IP6K3: variants seen among roughly 807,000 people sequenced by gnomAD.
IP6K3 encodes ATP:1D-myo-inositol-hexakisphosphate phosphotransferase.
Under a neutral mutation model 28.8 loss-of-function variants are expected in IP6K3, and 20 were observed. That is an observed-to-expected ratio of 0.70 (90% CI 0.49 to 1.01). IP6K3 has a LOEUF of 1.01. Ranked by LOEUF, IP6K3 falls within the 50% of genes least tolerant of loss-of-function variation. The probability of loss-of-function intolerance (pLI) is 0.00; values close to 1 mark genes in which losing one functional copy is unlikely to be tolerated. For missense variants in IP6K3, 480 were observed against 537.1 expected, an observed-to-expected ratio of 0.89 and a Z score of 1.05; for synonymous variants, 213 against 221.3, an observed-to-expected ratio of 0.96 and a Z score of 0.33.
At chr6:33,741,975 CA>C (rs10562436) in intron 1 of IP6K3, among the ~76,000 whole-genome samples, 63,285 of 146,912 alleles carry the variant, frequency 0.43, 14,989 homozygotes, top group East Asian at 0.83. Context: ...CAAAAACAAG[CA>C]AAAAAAAAAA....
chr6:33,727,582 G>A (rs1766164802), intron 3 of IP6K3, among the ~76,000 whole-genome samples: 1 of 152,168 alleles, frequency 6.6e-6, no homozygotes, highest in South Asian at 2.1e-4. Context: ...AGCTGACATT[G>A]TCAAAGGTTT....
chr6:33,743,152 C>T (rs1315255361), intron 1 of IP6K3, among the ~76,000 whole-genome samples: 1 of 152,176 alleles, frequency 6.6e-6, no homozygotes, highest in Non-Finnish European at 1.5e-5. Flanking sequence ...CAGCTCAGTG[C>T]AGGGAGGTGG....
At chr6:33,739,551 A>G (rs1582222120) in intron 1 of IP6K3, among the ~76,000 whole-genome samples, 1 of 152,302 alleles carries the variant, frequency 6.6e-6, no homozygotes, top group East Asian at 1.9e-4. Context: ...TCAAATTCCC[A>G]AGGAAGAGTA....
intron 2 of IP6K3, among the ~76,000 whole-genome samples, chr6:33,728,560 G>T (rs1307398834): frequency 2.0e-5 from 3 of 152,188 alleles, no homozygotes; most frequent in Non-Finnish European, 4.4e-5. Context: ...GCACTTCCCT[G>T]CCTCTTTGCG....
rs769320476 is a variant in IP6K3, at chr6:33,726,771, C to G, written c.549G>C (p.Leu183=). Residue 183 remains leucine (L), a synonymous_variant, in exon 4 of 6, where the codon CTG becomes CTC. Coordinates refer to ENST00000293756, the MANE Select transcript of IP6K3 (RefSeq NM_054111.5). The part of the protein sequence containing the change: ...PWGLQCHQAH[L]TRLCSEYPEN... ...CTGGGTACTCGGAGCACAGGCGGGT[C>G]AGGTGGGCCTGGTGGCATTGCAGGC... 1.2e-6 allele frequency: 2 copies of G among 1,605,770 alleles called. No individual in the cohort carries two copies. The highest frequency in any genetic ancestry group is 8.5e-7 in the Non-Finnish European group (1 of 1,174,016).
At chr6:33,739,276 A>AG (rs1476420592) in intron 1 of IP6K3, 1 of 152,094 alleles carries the variant, frequency 6.6e-6, no homozygotes, top group Admixed American at 6.6e-5. Flanking sequence ...GAAAAAAAAA[A>AG]GAAAACCTGG....
rs763635000 is a variant in IP6K3 at position 33,725,528 on chromosome 6, A to G, written c.678T>C (p.Asp226=). The G allele has an allele frequency of 1.9e-6, 3 of 1,614,038 alleles. No individual in the cohort carries two copies. The highest frequency in any genetic ancestry group is 3.3e-5 in the Admixed American group (2 of 60,012). ...LKMGTRQHGD[D]ASEEKKARHM... ...GGCGGGCCTTCTTCTCCTCCGATGC[A>G]TCATCGCCGTGCTGCCGGGTCCCCA... is the stretch of plus-strand genomic sequence containing the variant. Residue 226 remains aspartate (D), a synonymous_variant, in exon 5 of 6, where the codon GAT becomes GAC. Coordinates refer to ENST00000293756, the MANE Select transcript of IP6K3 (RefSeq NM_054111.5).
Position 33,723,027 on chromosome 6 carries a change from A to C in IP6K3, c.926T>G (p.Leu309Arg). The C allele has an allele frequency of 6.2e-7, 1 of 1,614,106 alleles. No homozygotes were observed. The highest frequency in any genetic ancestry group is 8.5e-7 in the Non-Finnish European group (1 of 1,180,014). Reference sequence around the variant, plus strand: ...ACTCTGGCTCCTAATGACAGAGAGGAGGGCCCGGAGCTGGTGCAGGATGGG... The same window carrying C: ...ACTCTGGCTCCTAATGACAGAGAGGCGGGCCCGGAGCTGGTGCAGGATGGG... ...LEPILHQLRA[L>R]LSVIRSQSSY... The change falls in exon 6 of 6, where the codon CTC (leucine) becomes CGC (arginine). Residue 309 changes from leucine (L) to arginine (R), a missense_variant. Physicochemically the swap from Leu to Arg is moderately radical, Grantham distance 102. Transcript: ENST00000293756.
the IP6K3 span, among the ~76,000 whole-genome samples, chr6:33,758,475 A>G: frequency 2.0e-5 from 3 of 152,186 alleles, no homozygotes; most frequent in Non-Finnish European, 4.4e-5. Context: ...GTAGTGAGCC[A>G]TGATGGCACC....
intron 1 of IP6K3, among the ~76,000 whole-genome samples, chr6:33,739,915 T>A (rs568630733): frequency 9.2e-5 from 14 of 152,368 alleles, no homozygotes; most frequent in Non-Finnish European, 1.8e-4. Flanking sequence ...CTTGTCATGA[T>A]GCTCGGAAGA....
At chr6:33,748,432 T>C (rs1267295990), upstream of IP6K3, among the ~76,000 whole-genome samples, 2 of 151,524 alleles carry the variant, frequency 1.3e-5, no homozygotes, top group African/African-American at 4.9e-5. Flanking sequence ...ACTTCAACGC[T>C]CAGCACAGCA....
In IP6K3 at chr6:33,726,886, C is replaced by T; in HGVS notation, c.434G>A (p.Arg145Lys). 5 of 1,607,206 alleles carry T rather than the reference C, an allele frequency of 3.1e-6. No individual in the cohort carries two copies. The highest frequency in any genetic ancestry group is 4.3e-6 in the Non-Finnish European group (5 of 1,174,658). ...TGGAGTGTTGAGGTGGGGCTCGGAC[C>T]TCAGAAGAGCCTTGGCCGGGCTGCG... ...PKESPAKALL[R>K]SEPHLNTPAF... Residue 145 changes from arginine to lysine, a missense_variant, in exon 4 of 6, where the codon AGG becomes AAG. Arg to Lys is a conservative substitution (Grantham distance 26). Transcript: ENST00000293756.
chr6:33,729,486 G>GT (rs774027627), intron 2 of IP6K3, among the ~76,000 whole-genome samples: 119 of 152,270 alleles, frequency 7.8e-4, no homozygotes, highest in Non-Finnish European at 1.3e-3. Flanking sequence ...TTTGCCCAGT[G>GT]GGGGGCACTG....
upstream of IP6K3, among the ~76,000 whole-genome samples, chr6:33,747,669 G>A (rs886551568): frequency 1.6e-5 from 2 of 121,706 alleles, no homozygotes; most frequent in African/African-American, 3.7e-5. This position sits in a 1 kb window ranked among gnomAD's most constrained non-coding sequence, Gnocchi z 5.2. Context: ...GAGGCCCAGA[G>A]GCAGGTGGGA....
At chr6:33,759,213 A>C in the IP6K3 span, among the ~76,000 whole-genome samples, 114,092 of 152,202 alleles carry the variant, frequency 0.75, 43,861 homozygotes, top group East Asian at 0.96. Flanking sequence ...GGGGCTGGGG[A>C]AGGGACAGAT....
At chr6:33,751,113 G>A (rs376277660), upstream of IP6K3, among the ~76,000 whole-genome samples, 26 of 152,224 alleles carry the variant, frequency 1.7e-4, no homozygotes, top group African/African-American at 5.8e-4. This position sits in a 1 kb window ranked among gnomAD's most constrained non-coding sequence, Gnocchi z 4.3. Flanking sequence ...AGAGGTCACT[G>A]TCCAGCCCTT....
chr6:33,756,994 C>T, the IP6K3 span, among the ~76,000 whole-genome samples: 1 of 152,252 alleles, frequency 6.6e-6, no homozygotes, highest in African/African-American at 2.4e-5. Context: ...CTTATCTGTC[C>T]TGGTCTTCAC....
At position 33,722,707 on chromosome 6, in the gene IP6K3, A is replaced by C. The variant is rs758187307; in HGVS notation, c.*13T>G. On this transcript the variant is annotated 3_prime_UTR_variant, in exon 6 of 6. Coordinates refer to ENST00000293756, the MANE Select transcript of IP6K3 (RefSeq NM_054111.5). ...TCTATAGCCCAGAAGAATCCAGATA[A>C]GCCCAGGAAGTTTCATTCTCCCTCT... 11 of 1,560,552 alleles carry C rather than the reference A, an allele frequency of 7.0e-6. No homozygotes were observed. Among genetic ancestry groups the C allele is most frequent in the Middle Eastern group, 1.7e-4 (1 of 5,876 alleles).
In IP6K3 at chr6:33,735,501, G is replaced by T; in HGVS notation, c.-25C>A. The T allele has an allele frequency of 6.2e-7, 1 of 1,602,182 alleles. No individual in the cohort carries two copies. The highest frequency in any genetic ancestry group is 2.2e-5 in the East Asian group (1 of 44,858). Reference sequence around the variant, plus strand: ...TGGCGGCAGATGGTGGTGGTGGGGGGTCCCTGCACAGTCTGCTAGAGGAAG... The same window carrying T: ...TGGCGGCAGATGGTGGTGGTGGGGGTTCCCTGCACAGTCTGCTAGAGGAAG... On this transcript the variant is annotated 5_prime_UTR_variant, in exon 2 of 6. Coordinates refer to ENST00000293756, the MANE Select transcript of IP6K3 (RefSeq NM_054111.5).
Sources: allele counts gnomAD v4.1 joint callset (sites outside exome capture counted in the v4.1 genomes callset), GRCh38; gene constraint gnomAD v4.1.1; non-coding constraint Gnocchi (gnomAD v3.1); transcripts MANE v1.5; gene names NCBI Gene and HGNC (gene_info 2026-07-23, HGNC 2026-07-21).